Variants in DOT1L observed in about 807,000 individuals in gnomAD.
DOT1L encodes the protein histone-lysine N-methyltransferase, H3 lysine-79 specific.
In DOT1L, 33 loss-of-function variants were observed where a neutral mutation model predicts 153.3. The ratio of observed to expected loss-of-function variants is 0.22; its 90% CI spans 0.16 to 0.29. The LOEUF (loss-of-function observed/expected upper bound fraction) is 0.29, where lower values mean the gene tolerates loss of function less well. DOT1L is among the 10% of genes least tolerant of loss of function. DOT1L has a pLI of 1.00. For synonymous variants in DOT1L, 1,135 were observed against 965.1 expected (o/e 1.18, Z -3.26); for missense variants, 1,847 against 2,119.9 (o/e 0.87, Z 2.53).
At chr19:2,213,508 C>T in intron 16 of DOT1L, 31 bp from the exon 17 acceptor site, 3 of 1,608,090 alleles carry the variant, frequency 1.9e-6, no homozygotes, top group Non-Finnish European at 2.5e-6. Flanking sequence ...CCTGCCCTGG[C>T]CCTTAGTCAC....
At position 2,220,457 on chromosome 19, in the gene DOT1L, C is replaced by A. The variant is rs1272282748; in HGVS notation, c.2806+235C>A. On this transcript the variant is annotated intron_variant, in intron 23 of 27. Coordinates refer to ENST00000398665, the MANE Select transcript of DOT1L (RefSeq NM_032482.3). This position sits in a 1 kb window ranked among gnomAD's most constrained non-coding sequence, Gnocchi z 4.5. Reference sequence around the variant, plus strand: ...ATACCTGGGTCTCCCGACACTGACACCTCCTGCTTGGGTGTATTAATTCAG... The same window carrying A: ...ATACCTGGGTCTCCCGACACTGACAACTCCTGCTTGGGTGTATTAATTCAG... 4.7e-6 allele frequency: 3 copies of A among 640,324 alleles called. No individual in the cohort carries two copies. Among genetic ancestry groups the A allele is most frequent in the Middle Eastern group, 4.9e-4 (2 of 4,048 alleles). 39.7% of individuals were successfully genotyped at this position (640,324 alleles called of 1,614,324 possible).
intron 7 of DOT1L, among the ~76,000 whole-genome samples, chr19:2,195,498 G>T (rs560537093): frequency 6.6e-6 from 1 of 152,152 alleles, no homozygotes; most frequent in African/African-American, 2.4e-5. Context: ...TGGTGCAGCT[G>T]CTCCCGTGAT....
intron 1 of DOT1L, among the ~76,000 whole-genome samples, chr19:2,165,364 G>T (rs1279744339): frequency 6.6e-6 from 1 of 152,152 alleles, no homozygotes; most frequent in East Asian, 1.9e-4. Context: ...TGGGGAGCCC[G>T]GGCTGGCTCA....
chr19:2,186,010 TAGCTCTTCTTAGATGGTGCA>T lies in DOT1L; in HGVS notation c.200+86_200+105del, dbSNP rs2022489888. 1.4e-5 allele frequency: 18 copies of T among 1,311,730 alleles called. No homozygotes were observed. The East Asian group carries it at 4.2e-4, about 30-fold the overall frequency. The allele number at this position is 1,311,730 out of a possible 1,614,324, so 81.3% of individuals were successfully genotyped here. ...AGGACAGGAGGACGCATCCTATAAT[TAGCTCTTCTTAGATGGTGCA>T]AGCTGATCTGAAATTTCCTTTTAGA... On this transcript the variant is annotated intron_variant, in intron 3 of 27. Transcript: ENST00000398665.
Position 2,199,904 on chromosome 19 carries a change from C to T in DOT1L, c.672C>T (p.Leu224=). Residue 224 remains leucine (L), a synonymous_variant, in exon 8 of 28, where the codon CTC becomes CTT. Coordinates refer to ENST00000398665, the MANE Select transcript of DOT1L (RefSeq NM_032482.3). The stretch of plus-strand genomic sequence containing the variant: ...TTCAGTTGGAGAGAGGCGATTTCCT[C>T]TCAGAAGAGTGGAGGGAGCGAATCG... ...AEYTLERGDF[L]SEEWRERIAN... 1 of 1,614,030 alleles carries T rather than the reference C, an allele frequency of 6.2e-7. No homozygotes were observed. Among genetic ancestry groups the T allele is most frequent in the Non-Finnish European group, 8.5e-7 (1 of 1,179,910 alleles).
chr19:2,175,644 C>G (rs568319756), intron 1 of DOT1L, among the ~76,000 whole-genome samples: 1 of 152,090 alleles, frequency 6.6e-6, no homozygotes, highest in Non-Finnish European at 1.5e-5. Flanking sequence ...GCCTGGCCAA[C>G]GTGATGAAAC....
intron 7 of DOT1L, among the ~76,000 whole-genome samples, chr19:2,199,667 C>T (rs1029388854): frequency 6.6e-6 from 1 of 152,216 alleles, no homozygotes; most frequent in South Asian, 2.1e-4. Context: ...GGACCTGTCC[C>T]GGCTTCTCAG....
rs1050984243 is a variant in DOT1L, at chr19:2,220,417, A to G, written c.2806+195A>G. On this transcript the variant is annotated intron_variant, in intron 23 of 27. Transcript: ENST00000398665. The surrounding 1 kb of genome is among the most constrained non-coding windows in gnomAD (Gnocchi z 4.5). ...TGGGATGCGGATCGGGCTCAGCTGCAGCCATCTCGGCCTCATACCTGGGTC... is the reference window on the plus strand; with the variant it reads ...TGGGATGCGGATCGGGCTCAGCTGCGGCCATCTCGGCCTCATACCTGGGTC... 4 of 687,862 alleles carry G rather than the reference A, an allele frequency of 5.8e-6. No individual in the cohort carries two copies. In the African/African-American group the frequency reaches 7.0e-5, roughly 12 times the overall value. The allele number at this position is 687,862 out of a possible 1,614,324, so 42.6% of individuals were successfully genotyped here. A position where few individuals can be genotyped will look rare whatever the true frequency, so the allele number is the denominator to read the frequency against.
chr19:2,190,988 G>A lies in DOT1L; in HGVS notation c.265-24G>A. 1 of 1,570,922 alleles carries A rather than the reference G, an allele frequency of 6.4e-7. No individual in the cohort carries two copies. On this transcript the variant is annotated intron_variant, in intron 4 of 27. Transcript: ENST00000398665. The surrounding 1 kb of genome is among the most constrained non-coding windows in gnomAD (Gnocchi z 4.8). ...CTGGGCCGTGAGGTTTATGTGACAT[G>A]GCCGGGCCACCCTCCGTCCGCAGTG...
intron 27 of DOT1L, 115 bp from the exon 28 acceptor site, chr19:2,229,670 C>A (rs1282655597): frequency 1.2e-6 from 2 of 1,600,332 alleles, no homozygotes; most frequent in Non-Finnish European, 1.7e-6. Flanking sequence ...ATGGTGCTGG[C>A]CCCAGGTGGC....
chr19:2,186,842 C>T (rs1217451075), intron 3 of DOT1L, among the ~76,000 whole-genome samples: 1 of 152,250 alleles, frequency 6.6e-6, no homozygotes, highest in Non-Finnish European at 1.5e-5. Flanking sequence ...TCGCCACCCC[C>T]CCTCATTGGG....
Position 2,220,741 on chromosome 19 carries a change from G to A in DOT1L, c.2806+519G>A, listed in dbSNP as rs1196333769. ...TGCAGGCCTGTCTGTTGTGGAAGCC[G>A]CAGAGACAGCATGTCAGCGGGCATG... On this transcript the variant is annotated intron_variant, in intron 23 of 27. Transcript: ENST00000398665. The surrounding 1 kb of genome is among the most constrained non-coding windows in gnomAD (Gnocchi z 4.5). 7 of 351,784 alleles carry A rather than the reference G, an allele frequency of 2.0e-5. No homozygotes were observed. The highest frequency in any genetic ancestry group is 1.5e-4 in the East Asian group (2 of 13,372). 21.8% of individuals were successfully genotyped at this position (351,784 alleles called of 1,614,324 possible). A position where few individuals can be genotyped will look rare whatever the true frequency, so the allele number is the denominator to read the frequency against.
In DOT1L at chr19:2,191,441, T is replaced by G. The variant is rs11882417; in HGVS notation, c.493+201T>G. On this transcript the variant is annotated intron_variant, in intron 5 of 27. Coordinates refer to ENST00000398665, the MANE Select transcript of DOT1L (RefSeq NM_032482.3). This position sits in a 1 kb window ranked among gnomAD's most constrained non-coding sequence, Gnocchi z 6.8. ...CCGGGCTCCACCCAGAGGGGAGAAA[T>G]CGCAGGAACCCAGTGGCTCCCAGAC... 1.3e-3 allele frequency: 782 copies of G among 612,656 alleles called. 8 individuals carry two copies. The African/African-American group carries it at 0.013, about 10-fold the overall frequency. 38.0% of individuals were successfully genotyped at this position (612,656 alleles called of 1,614,324 possible). A position where few individuals can be genotyped will look rare whatever the true frequency, so the allele number is the denominator to read the frequency against.
In DOT1L at chr19:2,222,363, G is replaced by C. The variant is rs749382216; in HGVS notation, c.3194G>C (p.Ser1065Thr). The part of the protein sequence containing the change: ...SAKQSPSSKH[S>T]PLTASARGDC... The stretch of plus-strand genomic sequence containing the variant: ...AAGCAGTCGCCCTCCAGCAAGCACA[G>C]CCCCCTGACCGCCAGCGCCCGTGGG... Residue 1065 changes from serine to threonine, a missense_variant, in exon 24 of 28, where the codon AGC becomes ACC. Ser to Thr is a moderately conservative substitution (Grantham distance 58, BLOSUM62 1). Around this residue, in one of 8 missense-constraint regions of DOT1L, gnomAD observed 934 missense variants for 825.3 expected, o/e 1.13. Coordinates refer to ENST00000398665, the MANE Select transcript of DOT1L (RefSeq NM_032482.3). This position sits in a 1 kb window ranked among gnomAD's most constrained non-coding sequence, Gnocchi z 6.5. 6.2e-7 allele frequency: 1 copy of C among 1,612,208 alleles called. No homozygotes were observed. Among genetic ancestry groups the C allele is most frequent in the Non-Finnish European group, 8.5e-7 (1 of 1,179,658 alleles).
intron 22 of DOT1L, among the ~76,000 whole-genome samples, chr19:2,218,923 G>A (rs2024012775): frequency 6.6e-6 from 1 of 152,088 alleles, no homozygotes; most frequent in African/African-American, 2.4e-5. Flanking sequence ...GAGGGCAGTG[G>A]CACGATCTTG....
intron 1 of DOT1L, among the ~76,000 whole-genome samples, chr19:2,175,640 C>T (rs917693932): frequency 6.6e-6 from 1 of 152,096 alleles, no homozygotes; most frequent in Admixed American, 6.6e-5. Flanking sequence ...ACCAGCCTGG[C>T]CAACGTGATG....
At chr19:2,173,902 G>T (rs1198750247) in intron 1 of DOT1L, among the ~76,000 whole-genome samples, 1 of 152,218 alleles carries the variant, frequency 6.6e-6, no homozygotes, top group East Asian at 1.9e-4. Flanking sequence ...AGCCCCTCCA[G>T]TGTCGAGTTG....
At position 2,231,147 on chromosome 19, in the gene DOT1L, G is replaced by GT; in HGVS notation, c.*1356dup. 4.4e-6 allele frequency: 1 copy of GT among 228,540 alleles called. No homozygotes were observed. Among genetic ancestry groups the GT allele is most frequent in the Non-Finnish European group, 8.7e-6 (1 of 115,102 alleles). 14.2% of individuals were successfully genotyped at this position (228,540 alleles called of 1,614,324 possible). ...AGTCAGGGCCTGGGTTGTCTGAGCA[G>GT]TGGTGGCTCTGTGCCCTCCCTGGAG... On this transcript the variant is annotated 3_prime_UTR_variant, in exon 28 of 28. Transcript: ENST00000398665.
rs781640234 is a variant in DOT1L, at chr19:2,222,197, C to A, written c.3028C>A (p.Pro1010Thr). The A allele has an allele frequency of 6.2e-6, 10 of 1,612,988 alleles. No individual in the cohort carries two copies. The highest frequency in any genetic ancestry group is 1.7e-5 in the Admixed American group (1 of 60,000). Residue 1010 changes from proline to threonine, a missense_variant, in exon 24 of 28, where the codon CCC (proline) becomes ACC (threonine). By Grantham distance (38) the Pro-to-Thr change is conservative. This residue lies in a region of DOT1L where 934 missense variants were observed against 825.3 expected (regional missense o/e 1.13). Coordinates refer to ENST00000398665, the MANE Select transcript of DOT1L (RefSeq NM_032482.3). The surrounding 1 kb of genome is among the most constrained non-coding windows in gnomAD (Gnocchi z 6.5). ...TCCCGCCCACCAGCTCTCCTCCAGTCCCCGGCTTGGTGGGGCCGCCCAGGG... is the reference window on the plus strand; with the variant it reads ...TCCCGCCCACCAGCTCTCCTCCAGTACCCGGCTTGGTGGGGCCGCCCAGGG... ...ASPAHQLSSS[P>T]RLGGAAQGPL...
Sources: allele counts gnomAD v4.1 joint callset (sites outside exome capture counted in the v4.1 genomes callset), GRCh38; gene constraint gnomAD v4.1.1; regional missense constraint gnomAD v4.1.1; non-coding constraint Gnocchi (gnomAD v3.1); transcripts MANE v1.5; gene names NCBI Gene and HGNC (gene_info 2026-07-23, HGNC 2026-07-21).